Variants in ANO2 observed in about 807,000 individuals in gnomAD.
ANO2 encodes anoctamin 2.
In ANO2, 101 loss-of-function variants were observed where a neutral mutation model predicts 124.2. The ratio of observed to expected loss-of-function variants is 0.81; its 90% CI spans 0.69 to 0.96. ANO2 has a LOEUF of 0.96. Among genes scored for constraint, ANO2 ranks in the 40% least tolerant of loss-of-function variants. ANO2 has a pLI of 0.00. For synonymous variants in ANO2, 486 were observed against 482.5 expected (o/e 1.01, Z -0.09); for missense variants, 1,293 against 1,274.5 (o/e 1.01, Z -0.22).
At chr12:5,616,199 G>A (rs1944799188) in intron 16 of ANO2, among the ~76,000 whole-genome samples, 2 of 152,218 alleles carry the variant, frequency 1.3e-5, no homozygotes, top group African/African-American at 2.4e-5. Context: ...CATAAACTGA[G>A]TGTTCAAGAA....
intron 14 of ANO2, among the ~76,000 whole-genome samples, chr12:5,726,239 C>T (rs190014633): frequency 3.3e-5 from 5 of 152,220 alleles, no homozygotes; most frequent in African/African-American, 9.6e-5. Context: ...CTGAATTTTC[C>T]CTACTGTCTG....
At chr12:5,856,714 C>T (rs1287861571) in intron 3 of ANO2, 1 of 152,168 alleles carries the variant, frequency 6.6e-6, no homozygotes, top group Non-Finnish European at 1.5e-5. Context: ...GAGAAGCTGG[C>T]TCTGGCTCTA....
At chr12:5,944,913 T>C (rs1943033362) in intron 1 of ANO2, among the ~76,000 whole-genome samples, 1 of 151,528 alleles carries the variant, frequency 6.6e-6, no homozygotes, top group Admixed American at 6.6e-5. Context: ...TGGTAACCAA[T>C]CACAGAGAAG....
intron 14 of ANO2, among the ~76,000 whole-genome samples, chr12:5,722,455 T>C (rs1034203914): frequency 6.6e-6 from 1 of 152,068 alleles, no homozygotes; most frequent in African/African-American, 2.4e-5. Context: ...TGCAGTGAGC[T>C]GAGATCGCGC....
intron 7 of ANO2, among the ~76,000 whole-genome samples, chr12:5,816,024 A>C (rs1782735725): frequency 6.6e-6 from 1 of 152,108 alleles, no homozygotes; most frequent in African/African-American, 2.4e-5. Flanking sequence ...GTACAATGGG[A>C]AAGAGAATTA....
chr12:5,680,191 T>C (rs1426903746), intron 14 of ANO2, among the ~76,000 whole-genome samples: 1 of 152,186 alleles, frequency 6.6e-6, no homozygotes, highest in Non-Finnish European at 1.5e-5. Context: ...GATGCTGGGC[T>C]TCATTCCTAG....
chr12:5,875,387 G>A (rs570918575), intron 3 of ANO2, among the ~76,000 whole-genome samples: 2 of 152,332 alleles, frequency 1.3e-5, no homozygotes, highest in African/African-American at 4.8e-5. Context: ...CCTCAGCACT[G>A]CTCTTAAAGG....
At chr12:5,597,432 T>A (rs1248815464) in intron 20 of ANO2, among the ~76,000 whole-genome samples, 1 of 152,228 alleles carries the variant, frequency 6.6e-6, no homozygotes, top group Non-Finnish European at 1.5e-5. Flanking sequence ...CACGAACTCA[T>A]TCTTTTTCAC....
At chr12:5,607,952 G>A (rs1454509878) in intron 19 of ANO2, among the ~76,000 whole-genome samples, 2 of 152,032 alleles carry the variant, frequency 1.3e-5, no homozygotes, top group Non-Finnish European at 2.9e-5. Flanking sequence ...TAAATGTAAT[G>A]CAGTTGAATC....
chr12:5,927,307 C>T (rs563313448), intron 1 of ANO2, among the ~76,000 whole-genome samples: 93 of 152,330 alleles, frequency 6.1e-4, no homozygotes, highest in African/African-American at 2.1e-3. Context: ...GACCTCTGTC[C>T]CTTCTCATTG....
chr12:5,691,678 C>A (rs534181344), intron 14 of ANO2, among the ~76,000 whole-genome samples: 1 of 152,144 alleles, frequency 6.6e-6, no homozygotes, highest in East Asian at 1.9e-4. Context: ...CTGAGACAGG[C>A]AGATCCCTTG....
At chr12:5,821,842 G>C (rs1468970538) in intron 7 of ANO2, among the ~76,000 whole-genome samples, 1 of 152,178 alleles carries the variant, frequency 6.6e-6, no homozygotes, top group African/African-American at 2.4e-5. Flanking sequence ...TATGTGATTG[G>C]GCTCAAGCAG....
intron 23 of ANO2, among the ~76,000 whole-genome samples, chr12:5,568,036 T>C (rs1941876442): frequency 6.6e-6 from 1 of 152,134 alleles, no homozygotes; most frequent in Non-Finnish European, 1.5e-5. Flanking sequence ...ATACACAGAC[T>C]GCAATAAAAA....
chr12:5,565,750 G>A, intron 23 of ANO2, 87 bp from the exon 24 acceptor site: 4 of 1,077,202 alleles, frequency 3.7e-6, no homozygotes, highest in Non-Finnish European at 5.4e-6. Context: ...AGGGCTGGCT[G>A]GAGCATCAGG....
intron 11 of ANO2, among the ~76,000 whole-genome samples, chr12:5,748,870 C>CAAAAA (rs60191649): frequency 1.8e-4 from 18 of 101,634 alleles, no homozygotes; most frequent in East Asian, 2.8e-4. Flanking sequence ...CTTCACCCTC[C>CAAAAA]AAAAAAAAAA....
intron 3 of ANO2, 116 bp downstream of exon 3, chr12:5,920,924 A>G: frequency 8.0e-7 from 1 of 1,254,470 alleles, no homozygotes; most frequent in Non-Finnish European, 1.1e-6. Flanking sequence ...CAGCAGAAAA[A>G]AAAGTCCACC....
At chr12:5,691,582 G>A (rs562619373) in intron 14 of ANO2, among the ~76,000 whole-genome samples, 1 of 151,988 alleles carries the variant, frequency 6.6e-6, no homozygotes, top group Non-Finnish European at 1.5e-5. Context: ...GGGTGGATAT[G>A]CACTGGTGTG....
rs1941523143 is a variant in ANO2 at position 5,563,029 on chromosome 12, C to A, written c.*270G>T. On this transcript the variant is annotated 3_prime_UTR_variant, in exon 25 of 25. Transcript: ENST00000682330. The stretch of plus-strand genomic sequence containing the variant: ...GCCTGAGACTCTGGGGTGGAGAGAC[C>A]CCAGTGGGGTTCCAATCCCTCAAAA... 3 of 496,236 alleles carry A rather than the reference C, an allele frequency of 6.0e-6. No homozygotes were observed. In the Admixed American group the frequency reaches 1.0e-4, roughly 17 times the overall value. 30.7% of individuals were successfully genotyped at this position (496,236 alleles called of 1,614,324 possible). A position where few individuals can be genotyped will look rare whatever the true frequency, so the allele number is the denominator to read the frequency against.
chr12:5,635,136 C>T lies in ANO2; in HGVS notation c.1816+16G>A. On this transcript the variant is annotated intron_variant, in intron 16 of 24. Coordinates refer to ENST00000682330, the MANE Select transcript of ANO2 (RefSeq NM_001364791.2). This position sits in a 1 kb window ranked among gnomAD's most constrained non-coding sequence, Gnocchi z 5.2. ...AAGAGGGCCTAGGACAGCCAGAAGT[C>T]TCGGTGACACAGTACCAATTTTGGT... 1 of 1,547,732 alleles carries T rather than the reference C, an allele frequency of 6.5e-7. No individual in the cohort carries two copies. The highest frequency in any genetic ancestry group is 1.4e-5 in the African/African-American group (1 of 72,508).
Sources: gnomAD v4.1 joint callset for allele counts (sites outside exome capture counted in the v4.1 genomes callset) on GRCh38, gnomAD v4.1.1 for gene constraint, Gnocchi (gnomAD v3.1) non-coding constraint, MANE v1.5 for transcripts, NCBI Gene and HGNC (gene_info 2026-07-23, HGNC 2026-07-21) for gene names.